SIK3: variants seen among roughly 807,000 people sequenced by gnomAD.
SIK3 encodes the protein SIK family kinase 3.
In SIK3, 28 loss-of-function variants were observed where a neutral mutation model predicts 144.2. The ratio of observed to expected loss-of-function variants is 0.19; its 90% CI spans 0.14 to 0.27. SIK3 has a LOEUF of 0.27. Ranked by LOEUF, SIK3 falls within the 10% of genes least tolerant of loss-of-function variation. SIK3 has a pLI of 1.00. For synonymous variants in SIK3, 686 were observed against 676.3 expected (o/e 1.01, Z -0.22); for missense variants, 1,319 against 1,776.0 (o/e 0.74, Z 4.62).
chr11:116,991,649 C>T (rs1007248699), intron 1 of SIK3, among the ~76,000 whole-genome samples: 1 of 152,182 alleles, frequency 6.6e-6, no homozygotes, highest in African/African-American at 2.4e-5. Context: ...GTCTAACCAA[C>T]CTATTACTTA....
chr11:117,046,555 C>G (rs182815853), intron 1 of SIK3, among the ~76,000 whole-genome samples: 2 of 152,228 alleles, frequency 1.3e-5, no homozygotes, highest in East Asian at 3.9e-4. Flanking sequence ...CCTAAAAACA[C>G]TATTATATTG....
At position 116,978,247 on chromosome 11, in the gene SIK3, G is replaced by T. The variant is rs538305161; in HGVS notation, c.274-21183C>A. 2.5e-3 allele frequency among the ~76,000 whole-genome samples: 380 copies of T among 151,952 alleles called. 2 individuals carry two copies. Among genetic ancestry groups the T allele is most frequent in the Non-Finnish European group, 4.2e-3 (285 of 67,952 alleles). ...AAAATTACTATCCGCATTACCAAAA[G>T]TCTTCTTCAGAAAAAAGAATCACCT... On this transcript the variant is annotated intron_variant, in intron 1 of 24. Transcript: ENST00000445177.
chr11:116,875,473 T>C (rs776948023), intron 9 of SIK3, 22 bp from the exon 10 acceptor site: 4 of 1,608,218 alleles, frequency 2.5e-6, no homozygotes, highest in East Asian at 4.5e-5. Flanking sequence ...TACATACATA[T>C]ACACGCATAC....
intron 3 of SIK3, among the ~76,000 whole-genome samples, chr11:116,931,188 A>G (rs543678125): frequency 8.5e-5 from 13 of 152,330 alleles, no homozygotes; most frequent in East Asian, 3.9e-4. Context: ...ACGAAGAGTA[A>G]TATTGTTAGA....
At chr11:116,927,790 C>A (rs553734896) in intron 3 of SIK3, among the ~76,000 whole-genome samples, 1 of 152,284 alleles carries the variant, frequency 6.6e-6, no homozygotes, top group South Asian at 2.1e-4. Flanking sequence ...AGCAAGGCCC[C>A]AATATTAAAT....
At chr11:117,040,878 TTATATATAGTGA>T (rs1166382101) in intron 1 of SIK3, among the ~76,000 whole-genome samples, 1 of 151,972 alleles carries the variant, frequency 6.6e-6, no homozygotes, top group African/African-American at 2.4e-5. Flanking sequence ...TTTTATATAC[TTATATATAGTGA>T]AATGGTTACT....
rs534901535 is a variant in SIK3, at chr11:116,844,895, G to C, written c.*748C>G. Reference sequence around the variant, plus strand: ...TCCACCAAAAGCAAAGGCTCAAATTGAGACATCCTAACTGGCAAACCATCT... The same window carrying C: ...TCCACCAAAAGCAAAGGCTCAAATTCAGACATCCTAACTGGCAAACCATCT... On this transcript the variant is annotated 3_prime_UTR_variant, in exon 25 of 25. Coordinates refer to ENST00000445177, the MANE Select transcript of SIK3 (RefSeq NM_001366686.3). The C allele has an allele frequency of 6.6e-6, 1 of 151,726 alleles. No individual in the cohort carries two copies. Among genetic ancestry groups the C allele is most frequent in the East Asian group, 1.9e-4 (1 of 5,176 alleles). 9.4% of individuals were successfully genotyped at this position (151,726 alleles called of 1,614,324 possible).
At chr11:117,072,334 G>A (rs1954318013) in intron 1 of SIK3, among the ~76,000 whole-genome samples, 4 of 152,086 alleles carry the variant, frequency 2.6e-5, no homozygotes, top group African/African-American at 7.2e-5. Flanking sequence ...ATTGCAGTGA[G>A]CCCAGATCAT....
At chr11:116,909,233 A>G (rs1003546867) in intron 4 of SIK3, among the ~76,000 whole-genome samples, 5 of 152,136 alleles carry the variant, frequency 3.3e-5, no homozygotes, top group Non-Finnish European at 4.4e-5. Context: ...GGATGGACCC[A>G]CTACACATTA....
chr11:117,001,505 CA>C (rs35444420), intron 1 of SIK3, among the ~76,000 whole-genome samples: 33 of 147,380 alleles, frequency 2.2e-4, no homozygotes, highest in East Asian at 1.0e-3. Context: ...GATTCCATCT[CA>C]AAAAAAAAAA....
At chr11:116,991,183 C>CA (rs1950489054) in intron 1 of SIK3, among the ~76,000 whole-genome samples, 1 of 152,208 alleles carries the variant, frequency 6.6e-6, no homozygotes. Flanking sequence ...CATGGTGGCT[C>CA]ATGCCTGTAA....
intron 2 of SIK3, among the ~76,000 whole-genome samples, chr11:116,954,558 GTCTT>G (rs1949070220): frequency 1.3e-5 from 2 of 151,444 alleles, no homozygotes; most frequent in Admixed American, 1.3e-4. Flanking sequence ...AATCACATAT[GTCTT>G]TCTTTTTTTT....
At chr11:116,916,742 C>A (rs1010536528) in intron 4 of SIK3, among the ~76,000 whole-genome samples, 1 of 151,414 alleles carries the variant, frequency 6.6e-6, no homozygotes, top group African/African-American at 2.4e-5. Context: ...GATCTCCTGA[C>A]CTCGTGATCC....
In SIK3 at chr11:116,878,240, T is replaced by C. The variant is rs1944362282; in HGVS notation, c.866-1198A>G. On this transcript the variant is annotated intron_variant, in intron 6 of 24. Coordinates refer to ENST00000445177, the MANE Select transcript of SIK3 (RefSeq NM_001366686.3). ...TCTTTCTCCATTACAATCTGTTTTC[T>C]ATAGAGAGGCAAAAGGAATTTTTCC... is the stretch of plus-strand genomic sequence containing the variant. Among the ~76,000 whole-genome samples, 3 of 152,210 alleles carry C rather than the reference T, an allele frequency of 2.0e-5. No individual in the cohort carries two copies. In the South Asian group the frequency reaches 6.2e-4, roughly 31 times the overall value.
At chr11:116,882,014 A>G (rs1162208703) in intron 6 of SIK3, among the ~76,000 whole-genome samples, 1 of 152,206 alleles carries the variant, frequency 6.6e-6, no homozygotes, top group Non-Finnish European at 1.5e-5. Context: ...GGTACCTAAA[A>G]TAAACACATT....
intron 21 of SIK3, among the ~76,000 whole-genome samples, chr11:116,854,315 T>C (rs557654161): frequency 1.3e-5 from 2 of 152,228 alleles, no homozygotes; most frequent in Non-Finnish European, 2.9e-5. Flanking sequence ...TGAACCGTGG[T>C]TGCACCACTG....
At chr11:116,970,456 TTAAAG>T (rs1262608345) in intron 1 of SIK3, among the ~76,000 whole-genome samples, 1 of 152,212 alleles carries the variant, frequency 6.6e-6, no homozygotes, top group African/African-American at 2.4e-5. Context: ...TCTTGGTTAG[TTAAAG>T]TAATCAAGCC....
chr11:116,860,736 T>G (rs1220073292), intron 19 of SIK3, among the ~76,000 whole-genome samples: 1 of 138,780 alleles, frequency 7.2e-6, no homozygotes, highest in Non-Finnish European at 1.5e-5. Flanking sequence ...TTTGGCTCTG[T>G]GTGTACCCAC....
At chr11:117,015,180 A>G (rs944483777) in intron 1 of SIK3, among the ~76,000 whole-genome samples, 2 of 152,194 alleles carry the variant, frequency 1.3e-5, no homozygotes, top group Non-Finnish European at 2.9e-5. Flanking sequence ...CACAGCTAAT[A>G]AACTCATGAA....
Sources: allele counts gnomAD v4.1 joint callset (sites outside exome capture counted in the v4.1 genomes callset), GRCh38; gene constraint gnomAD v4.1.1; transcripts MANE v1.5; gene names NCBI Gene and HGNC (gene_info 2026-07-23, HGNC 2026-07-21).